The following MARVELD2 variants were observed in gnomAD, a reference collection of about 807,000 sequenced individuals.
MARVELD2 encodes MARVEL domain containing 2.
In MARVELD2, 49 loss-of-function variants were observed where a neutral mutation model predicts 57.6. The observed-to-expected ratio is 0.85, with a 90% CI of 0.68 to 1.08. MARVELD2 has a LOEUF of 1.08. MARVELD2 is among the 50% of genes least tolerant of loss of function. MARVELD2 has a pLI of 0.00. For missense variants in MARVELD2, 606 were observed against 701.1 expected (o/e 0.86, Z 1.53); for synonymous variants, 238 against 258.8 (o/e 0.92, Z 0.77).
intron 5 of MARVELD2, 41 bp from the exon 6 acceptor site, chr5:69,440,409 T>C: frequency 1.0e-6 from 1 of 998,560 alleles, no homozygotes; most frequent in Non-Finnish European, 1.6e-6. Flanking sequence ...TTTGAGTAAA[T>C]GCAAATGTTT....
intron 5 of MARVELD2, among the ~76,000 whole-genome samples, chr5:69,438,139 G>A (rs1048553721): frequency 6.6e-6 from 1 of 152,156 alleles, no homozygotes; most frequent in Non-Finnish European, 1.5e-5. Context: ...TTGGAGGCAG[G>A]TTCTCCCACA....
At chr5:69,433,153 C>CTTTTTTTTT (rs11345515) in intron 5 of MARVELD2, 60 bp downstream of exon 5, 13 of 478,082 alleles carry the variant, frequency 2.7e-5, no homozygotes, top group East Asian at 4.9e-5. Context: ...TAAAATCTGG[C>CTTTTTTTTT]TTTTTTTTTT....
intron 1 of MARVELD2, 73 bp downstream of exon 1, chr5:69,415,243 G>A (rs1679504572): frequency 6.6e-6 from 1 of 152,298 alleles, no homozygotes; most frequent in African/African-American, 2.4e-5. Context: ...GGTGTGCTGC[G>A]ACGGACGGCT....
At chr5:69,425,116 T>A (rs1195522927) in intron 3 of MARVELD2, among the ~76,000 whole-genome samples, 1 of 150,308 alleles carries the variant, frequency 6.7e-6, no homozygotes, top group Non-Finnish European at 1.5e-5. Context: ...AAATTGGAAA[T>A]CATCATTCTC....
rs1482032700 is a variant in MARVELD2 at position 69,420,118 on chromosome 5, G to A, written c.733G>A (p.Gly245Ser). The change falls in exon 2 of 7, where the codon GGC becomes AGC. Residue 245 changes from glycine to serine, a missense_variant. Gly to Ser is a moderately conservative substitution (Grantham distance 56, BLOSUM62 0). Coordinates refer to ENST00000325631, the MANE Select transcript of MARVELD2 (RefSeq NM_001038603.3). The stretch of plus-strand genomic sequence containing the variant: ...TGGTGGATTGGGCAGTATGTATGGG[G>A]GCTATTACTACACTGGCCCTAAGAC... ...GVGGLGSMYGGYYYTGPKTPF... is the reference protein window; with the variant it reads ...GVGGLGSMYGSYYYTGPKTPF... 8.7e-6 allele frequency: 14 copies of A among 1,614,000 alleles called. No individual in the cohort carries two copies. Among genetic ancestry groups the A allele is most frequent in the Non-Finnish European group, 1.2e-5 (14 of 1,180,032 alleles).
intron 1 of MARVELD2, chr5:69,418,838 G>A (rs1329722385): frequency 6.5e-6 from 1 of 153,866 alleles, no homozygotes; most frequent in Non-Finnish European, 1.4e-5. Context: ...GCGTTCTGTT[G>A]TGTTAAAGTT....
chr5:69,440,365 T>G (rs1580502855), intron 5 of MARVELD2, 85 bp from the exon 6 acceptor site: 1 of 698,236 alleles, frequency 1.4e-6, no homozygotes, highest in East Asian at 2.6e-5. Flanking sequence ...AAAATTATTT[T>G]TTGTTCTAAT....
chr5:69,427,889 ATC>A (rs1373576311), intron 3 of MARVELD2, among the ~76,000 whole-genome samples: 2 of 152,206 alleles, frequency 1.3e-5, no homozygotes, highest in African/African-American at 4.8e-5. Flanking sequence ...AAGCAGGTGG[ATC>A]TCTTGAGGCC....
rs754733972 is a variant in MARVELD2 at position 69,432,602 on chromosome 5, A to G, written c.1258A>G (p.Lys420Glu). 10 of 1,614,092 alleles carry G rather than the reference A, an allele frequency of 6.2e-6. No individual in the cohort carries two copies. In the African/African-American group the frequency reaches 1.3e-4, roughly 22 times the overall value. Residue 420 changes from lysine to glutamate, a missense_variant, in exon 4 of 7, where the codon AAA becomes GAA. Transcript: ENST00000325631. The part of the protein sequence containing the change: ...NFKELRTAKM[K>E]PELLSGHIPP... ...CAAGGAACTGAGAACAGCAAAAATG[A>G]AACCTGAACTACTGAGTGGACACAT...
chr5:69,421,883 G>T (rs1766640511), intron 2 of MARVELD2, among the ~76,000 whole-genome samples: 2 of 151,772 alleles, frequency 1.3e-5, no homozygotes, highest in Admixed American at 1.3e-4. Context: ...CAAACAGAGG[G>T]ACCAGCTGAA....
At chr5:69,429,291 A>G (rs930464440) in intron 3 of MARVELD2, among the ~76,000 whole-genome samples, 2 of 152,174 alleles carry the variant, frequency 1.3e-5, no homozygotes, top group Non-Finnish European at 2.9e-5. Context: ...AGTGGTTTTT[A>G]GAATGAGCTA....
intron 1 of MARVELD2, chr5:69,419,056 G>A: frequency 2.5e-6 from 1 of 404,066 alleles, no homozygotes; most frequent in Non-Finnish European, 4.6e-6. Flanking sequence ...CACCTGAGTA[G>A]CTGGGATCAC....
In MARVELD2 at chr5:69,424,606, T is replaced by A. The variant is rs1265334553; in HGVS notation, c.1152T>A (p.Asn384Lys). The A allele has an allele frequency of 6.2e-7, 1 of 1,603,758 alleles. No individual in the cohort carries two copies. Among genetic ancestry groups the A allele is most frequent in the East Asian group, 2.2e-5 (1 of 44,834 alleles). ...TTGAACTCTTTTTGTTCCAGATAAA[T>A]GAGCCATCATTGTCATCGAAAAGGA... ...HREYMEQQEI[N>K]EPSLSSKRKM... The change falls in exon 3 of 7, where the codon AAT (asparagine) becomes AAA (lysine). Residue 384 changes from asparagine to lysine, a missense_variant. Asn to Lys is a moderately conservative substitution (Grantham distance 94). Transcript: ENST00000325631.
intron 1 of MARVELD2, among the ~76,000 whole-genome samples, chr5:69,417,938 CAAA>C (rs759672131): frequency 1.3e-4 from 12 of 93,120 alleles, no homozygotes; most frequent in African/African-American, 2.0e-4. Context: ...GACTCTGTCT[CAAA>C]AAAAAAAAAA....
chr5:69,440,298 A>T, intron 5 of MARVELD2, 152 bp from the exon 6 acceptor site: 3 of 553,122 alleles, frequency 5.4e-6, no homozygotes, highest in Non-Finnish European at 6.7e-6. Context: ...AAGCCTTCAA[A>T]TATTTGCCTG....
At chr5:69,425,306 A>G (rs1455456907) in intron 3 of MARVELD2, among the ~76,000 whole-genome samples, 1 of 150,110 alleles carries the variant, frequency 6.7e-6, no homozygotes, top group African/African-American at 2.4e-5. Flanking sequence ...ATGACGAGTT[A>G]GTGGGTGCAG....
Position 69,419,044 on chromosome 5 carries a change from G to A in MARVELD2, c.-15-327G>A, listed in dbSNP as rs1398850138. On this transcript the variant is annotated intron_variant, in intron 1 of 6. Coordinates refer to ENST00000325631, the MANE Select transcript of MARVELD2 (RefSeq NM_001038603.3). ...CCGGGTTCAAGCGGTCTATACCTCA[G>A]CCACCTGAGTAGCTGGGATCACAGG... is the stretch of plus-strand genomic sequence containing the variant. 11 of 377,594 alleles carry A rather than the reference G, an allele frequency of 2.9e-5. No individual in the cohort carries two copies. In the South Asian group the frequency reaches 3.2e-4, roughly 11 times the overall value. The allele number at this position is 377,594 out of a possible 1,614,324, so 23.4% of individuals were successfully genotyped here.
At chr5:69,433,970 C>T (rs774520654) in intron 5 of MARVELD2, among the ~76,000 whole-genome samples, 10 of 150,882 alleles carry the variant, frequency 6.6e-5, no homozygotes, top group Non-Finnish European at 8.8e-5. Context: ...AAGTAAAATA[C>T]GAATTTGCCT....
intron 5 of MARVELD2, among the ~76,000 whole-genome samples, chr5:69,437,508 C>T (rs544239543): frequency 3.8e-4 from 58 of 151,310 alleles, no homozygotes; most frequent in African/African-American, 1.3e-3. Context: ...CATAGTGAAA[C>T]CCCGTCCCTA....
Sources: gnomAD v4.1 joint callset for allele counts (sites outside exome capture counted in the v4.1 genomes callset) on GRCh38, gnomAD v4.1.1 for gene constraint, MANE v1.5 for transcripts, NCBI Gene and HGNC (gene_info 2026-07-23, HGNC 2026-07-21) for gene names.